Variants in PPP2R2B observed in about 807,000 individuals in gnomAD.
PPP2R2B encodes the protein serine/threonine-protein phosphatase 2A 55 kDa regulatory subunit B beta isoform.
A neutral mutation model predicts 46.0 loss-of-function variants in PPP2R2B; 5 were observed. The observed-to-expected ratio is 0.11, with a 90% CI of 0.06 to 0.23. The LOEUF (loss-of-function observed/expected upper bound fraction) is 0.23, where lower values mean the gene tolerates loss of function less well. Ranked by LOEUF, PPP2R2B falls within the 10% of genes least tolerant of loss-of-function variation. The pLI is 1.00. For synonymous variants in PPP2R2B, 215 were observed against 206.7 expected (o/e 1.04, Z -0.34); for missense variants, 367 against 575.0 (o/e 0.64, Z 3.70).
At chr5:147,065,050 C>T (rs1255671166) in intron 2 of PPP2R2B, among the ~76,000 whole-genome samples, 1 of 152,202 alleles carries the variant, frequency 6.6e-6, no homozygotes, top group Non-Finnish European at 1.5e-5. Flanking sequence ...ACTAGGAATG[C>T]TTACACAACT....
chr5:146,842,809 A>G (rs535281058), intron 2 of PPP2R2B, among the ~76,000 whole-genome samples: 21 of 152,338 alleles, frequency 1.4e-4, no homozygotes, highest in African/African-American at 3.6e-4. Context: ...TAACAACTAA[A>G]TACTGTTAGA....
At chr5:146,956,974 T>TGA (rs1268997976) in intron 1 of PPP2R2B, among the ~76,000 whole-genome samples, 5 of 152,182 alleles carry the variant, frequency 3.3e-5, no homozygotes, top group African/African-American at 1.2e-4. Context: ...ATACCATCGC[T>TGA]TGGGGGTTAA....
At chr5:146,635,899 T>G (rs748724771) in intron 7 of PPP2R2B, among the ~76,000 whole-genome samples, 48 of 152,246 alleles carry the variant, frequency 3.2e-4, no homozygotes, top group Non-Finnish European at 6.0e-4. Flanking sequence ...TACAGGGGAA[T>G]GACATTGAAC....
intron 5 of PPP2R2B, among the ~76,000 whole-genome samples, chr5:146,668,363 G>A (rs1002643658): frequency 6.6e-6 from 1 of 152,130 alleles, no homozygotes; most frequent in Admixed American, 6.6e-5. Flanking sequence ...TGTTTGGAAT[G>A]TTATAATTGC....
At chr5:146,930,374 T>C (rs1763928259) in intron 1 of PPP2R2B, among the ~76,000 whole-genome samples, 1 of 152,094 alleles carries the variant, frequency 6.6e-6, no homozygotes, top group Non-Finnish European at 1.5e-5. Flanking sequence ...TGGAGAAAAA[T>C]AGCATTTTTT....
intron 1 of PPP2R2B, among the ~76,000 whole-genome samples, chr5:147,031,351 G>T (rs1192052983): frequency 2.6e-5 from 4 of 152,128 alleles, no homozygotes; most frequent in Non-Finnish European, 5.9e-5. Flanking sequence ...TGTCTTTGGG[G>T]TTCCATAATT....
At chr5:146,871,180 A>G (rs1396596704) in intron 2 of PPP2R2B, among the ~76,000 whole-genome samples, 1 of 152,256 alleles carries the variant, frequency 6.6e-6, no homozygotes, top group Non-Finnish European at 1.5e-5. Context: ...TATTAATGGA[A>G]GATGAGGGGA....
chr5:146,913,615 T>C (rs1191513069), intron 1 of PPP2R2B, among the ~76,000 whole-genome samples: 1 of 152,138 alleles, frequency 6.6e-6, no homozygotes, highest in Non-Finnish European at 1.5e-5. Flanking sequence ...ACTTTGCCTT[T>C]AGCTGAGGAC....
chr5:146,624,094 G>T (rs1773883642), intron 7 of PPP2R2B, among the ~76,000 whole-genome samples: 1 of 152,134 alleles, frequency 6.6e-6, no homozygotes, highest in Non-Finnish European at 1.5e-5. Context: ...CAGTGTTTCA[G>T]ACTTAATGTT....
At chr5:147,068,017 T>A (rs899667255) in intron 2 of PPP2R2B, among the ~76,000 whole-genome samples, 1 of 152,182 alleles carries the variant, frequency 6.6e-6, no homozygotes, top group Non-Finnish European at 1.5e-5. Flanking sequence ...ATAATCTTTT[T>A]AGTAAACACA....
chr5:147,002,939 A>G (rs564772710), intron 1 of PPP2R2B, among the ~76,000 whole-genome samples: 1 of 152,166 alleles, frequency 6.6e-6, no homozygotes, highest in African/African-American at 2.4e-5. Context: ...CATTGGGACC[A>G]ATTTGACCCA....
intron 5 of PPP2R2B, among the ~76,000 whole-genome samples, chr5:146,661,667 C>T (rs1253822118): frequency 3.3e-5 from 5 of 152,048 alleles, no homozygotes; most frequent in African/African-American, 9.7e-5. Flanking sequence ...CTTCTTTTGG[C>T]CTGACTATAA....
At chr5:146,881,839 C>A (rs539456065), upstream of PPP2R2B, among the ~76,000 whole-genome samples, 50 of 152,222 alleles carry the variant, frequency 3.3e-4, no homozygotes, top group African/African-American at 1.2e-3. Flanking sequence ...GGTTTCATAC[C>A]TCCCCCCTTC....
rs549028658 is a variant in PPP2R2B, at chr5:146,952,664, G to A, written c.79+103001C>T. ...CTAGCTTTAGCCAGGATCAGTTTCC[G>A]TTGCTTGCAACTGAAGAACTCTATA... On this transcript the variant is annotated intron_variant, in intron 1 of 8. Coordinates refer to the PPP2R2B transcript ENST00000336640. 3.3e-5 allele frequency among the ~76,000 whole-genome samples: 5 copies of A among 152,070 alleles called. No individual in the cohort carries two copies. In the South Asian group the frequency reaches 8.3e-4, roughly 25 times the overall value.
chr5:146,763,338 G>T (rs1448784407), intron 2 of PPP2R2B, among the ~76,000 whole-genome samples: 2 of 152,110 alleles, frequency 1.3e-5, no homozygotes, highest in South Asian at 2.1e-4. Context: ...TAACGCAGCT[G>T]GTTCAAATGC....
intron 1 of PPP2R2B, among the ~76,000 whole-genome samples, chr5:146,903,085 A>G (rs1462072219): frequency 6.6e-6 from 1 of 152,240 alleles, no homozygotes; most frequent in Non-Finnish European, 1.5e-5. Flanking sequence ...CTATTAAGCC[A>G]GATGTTAAAG....
rs151090569 is a variant in PPP2R2B, at chr5:147,076,869, A to G, written c.50+4190T>C. On this transcript the variant is annotated intron_variant, in intron 2 of 10. Coordinates refer to the PPP2R2B transcript ENST00000394413. ...CACTTTCTGAGACAGTACCCTGGAT[A>G]TAGTAAGCACTCACTAAATGCTTAT... Among the ~76,000 whole-genome samples, 131 of 152,196 alleles carry G rather than the reference A, an allele frequency of 8.6e-4. 1 individual carries two copies. Among genetic ancestry groups the G allele is most frequent in the African/African-American group, 3.0e-3 (126 of 41,552 alleles).
At chr5:146,765,708 C>G (rs1271170737) in intron 2 of PPP2R2B, among the ~76,000 whole-genome samples, 2 of 152,182 alleles carry the variant, frequency 1.3e-5, no homozygotes, top group Non-Finnish European at 2.9e-5. Flanking sequence ...GTTTTCTCAT[C>G]AGATTTGTAG....
chr5:147,052,325 A>G (rs745479438), intron 1 of PPP2R2B, among the ~76,000 whole-genome samples: 7 of 152,182 alleles, frequency 4.6e-5, no homozygotes, highest in Non-Finnish European at 1.0e-4. Flanking sequence ...TTCATTCAAC[A>G]AAAATTTACT....
Sources: allele counts gnomAD v4.1 joint callset (sites outside exome capture counted in the v4.1 genomes callset), GRCh38; gene constraint gnomAD v4.1.1; transcripts MANE v1.5; gene names NCBI Gene and HGNC (gene_info 2026-07-23, HGNC 2026-07-21).